The following ETV1 variants were observed in gnomAD, a reference collection of about 807,000 sequenced individuals.
ETV1 encodes ETS translocation variant 1.
A neutral mutation model predicts 62.3 loss-of-function variants in ETV1; 27 were observed. The ratio of observed to expected loss-of-function variants is 0.43; its 90% CI spans 0.32 to 0.60. The LOEUF (loss-of-function observed/expected upper bound fraction) is 0.60, where lower values mean the gene tolerates loss of function less well. Ranked by LOEUF, ETV1 falls within the 20% of genes least tolerant of loss-of-function variation. The pLI is 0.06. For synonymous variants in ETV1, 222 were observed against 199.6 expected (o/e 1.11, Z -0.94); for missense variants, 605 against 605.8 (o/e 1.00, Z 0.01).
chr7:13,989,683 G>T, upstream of ETV1: 1 of 398,780 alleles, frequency 2.5e-6, no homozygotes, highest in East Asian at 3.6e-5. Flanking sequence ...GCTCAATTCG[G>T]TGGTTTTTCC....
At position 13,989,071 on chromosome 7, in the gene ETV1, T is replaced by A. The variant is rs1179489423; in HGVS notation, c.-19A>T. On this transcript the variant is annotated 5_prime_UTR_variant, in exon 3 of 14. Transcript: ENST00000430479. ...CATCCATGCTGCTGCTCTTCGCAAATCTCAGCTCAGTATTTTATATTTTGA... is the reference window on the plus strand; with the variant it reads ...CATCCATGCTGCTGCTCTTCGCAAAACTCAGCTCAGTATTTTATATTTTGA... The A allele has an allele frequency of 1.3e-6, 2 of 1,562,074 alleles. No homozygotes were observed. Among genetic ancestry groups the A allele is most frequent in the Admixed American group, 3.7e-5 (2 of 53,648 alleles).
intron 6 of ETV1, among the ~76,000 whole-genome samples, chr7:13,968,231 T>C (rs1350198630): frequency 6.6e-6 from 1 of 151,952 alleles, no homozygotes; most frequent in Middle Eastern, 3.4e-3. Context: ...ATTTCTACAA[T>C]ATATTGTTAT....
rs1782233793 is a variant in ETV1 at position 13,983,704 on chromosome 7, GT to G, written c.181+2933del. ...GAATAAGATAATTGTTTTAAACTGTGTTTAGATGTTAAAAAAAAAACCTTTA... is the reference window on the plus strand; with the variant it reads ...GAATAAGATAATTGTTTTAAACTGTGTTAGATGTTAAAAAAAAAACCTTTA... On this transcript the variant is annotated intron_variant, in intron 5 of 13. Transcript: ENST00000430479. Among the ~76,000 whole-genome samples the G allele has an allele frequency of 4.2e-5, 5 of 118,478 alleles. 1 individual carries two copies. The Admixed American group carries it at 4.6e-4, about 11-fold the overall frequency. The allele number at this position is 118,478 out of a possible 152,430, so 77.7% of individuals were successfully genotyped here. A position where few individuals can be genotyped will look rare whatever the true frequency, so the allele number is the denominator to read the frequency against.
chr7:13,897,349 T>C (rs1033752801), intron 13 of ETV1, among the ~76,000 whole-genome samples: 1 of 152,214 alleles, frequency 6.6e-6, no homozygotes, highest in Non-Finnish European at 1.5e-5. Context: ...TATTGTTATA[T>C]CTTTGAGGGA....
At chr7:13,905,551 T>C (rs1782870860) in intron 12 of ETV1, among the ~76,000 whole-genome samples, 1 of 152,172 alleles carries the variant, frequency 6.6e-6, no homozygotes, top group African/African-American at 2.4e-5. Flanking sequence ...TGAGTTATGC[T>C]ACAGGAACAA....
chr7:13,941,893 A>G (rs947905030), intron 6 of ETV1, among the ~76,000 whole-genome samples: 3 of 151,480 alleles, frequency 2.0e-5, no homozygotes, highest in African/African-American at 7.3e-5. Flanking sequence ...AAATAAATAA[A>G]TAAATAAATA....
In ETV1 at chr7:13,904,771, C is replaced by A. The variant is rs115476307; in HGVS notation, c.1110+1659G>T. 7.7e-3 allele frequency among the ~76,000 whole-genome samples: 1,176 copies of A among 152,070 alleles called. 20 individuals carry two copies. The highest frequency in any genetic ancestry group is 0.025 in the African/African-American group (1,040 of 41,438). ...TCTTCCATGAGGTGAAGAGCACACA[C>A]TCCCATCATGCGAAAGGGCTTTCAA... On this transcript the variant is annotated intron_variant, in intron 12 of 13. Coordinates refer to ENST00000430479, the MANE Select transcript of ETV1 (RefSeq NM_004956.5).
At chr7:13,924,673 G>C (rs1264507789) in intron 9 of ETV1, among the ~76,000 whole-genome samples, 1 of 152,128 alleles carries the variant, frequency 6.6e-6, no homozygotes, top group Non-Finnish European at 1.5e-5. Flanking sequence ...TATGTAGAAA[G>C]ACAAATCATG....
At chr7:13,986,122 T>G (rs754479406) in intron 5 of ETV1, 1 of 1,586,472 alleles carries the variant, frequency 6.3e-7, no homozygotes, top group Non-Finnish European at 8.6e-7. Context: ...ACACCTAACG[T>G]TCTGTGTTGT....
At chr7:13,919,601 C>CACACAA (rs1554295505) in intron 9 of ETV1, among the ~76,000 whole-genome samples, 12 of 132,282 alleles carry the variant, frequency 9.1e-5, no homozygotes, top group African/African-American at 2.9e-4. Flanking sequence ...CACACACACA[C>CACACAA]AAAATAAGAA....
chr7:13,917,832 C>T (rs1013135021), intron 9 of ETV1, among the ~76,000 whole-genome samples: 1 of 151,730 alleles, frequency 6.6e-6, no homozygotes, highest in East Asian at 2.0e-4. Context: ...GGCGTGGTGG[C>T]GGGCACCAGT....
intron 8 of ETV1, among the ~76,000 whole-genome samples, 161 bp downstream of exon 8, chr7:13,935,547 A>G (rs915183634): frequency 6.6e-6 from 1 of 152,248 alleles, no homozygotes; most frequent in Non-Finnish European, 1.5e-5. Flanking sequence ...TCCACAAATT[A>G]TAAGTATAGA....
intron 12 of ETV1, among the ~76,000 whole-genome samples, chr7:13,901,260 C>G (rs910911620): frequency 6.6e-5 from 10 of 152,206 alleles, no homozygotes; most frequent in African/African-American, 2.4e-4. Flanking sequence ...CCACCTTGGC[C>G]TCCAAAAGTG....
chr7:13,897,095 G>A (rs1781923915), intron 13 of ETV1, among the ~76,000 whole-genome samples: 1 of 151,602 alleles, frequency 6.6e-6, no homozygotes, highest in African/African-American at 2.4e-5. Context: ...ACAACTGAGT[G>A]AGATGAATAC....
chr7:13,907,654 C>T, intron 11 of ETV1: 1 of 277,968 alleles, frequency 3.6e-6, no homozygotes, highest in Non-Finnish European at 7.7e-6. Flanking sequence ...GTCTAGGGCC[C>T]TGCAAGTATG....
chr7:13,985,898 T>C (rs937045425), intron 5 of ETV1, among the ~76,000 whole-genome samples: 1 of 152,160 alleles, frequency 6.6e-6, no homozygotes, highest in African/African-American at 2.4e-5. Flanking sequence ...ATATAACAGA[T>C]TGCACCACAA....
In ETV1 at chr7:13,909,555, C is replaced by T. The variant is rs1024331124; in HGVS notation, c.940+77G>A. 3 of 1,032,540 alleles carry T rather than the reference C, an allele frequency of 2.9e-6. 1 individual carries two copies. Among genetic ancestry groups the T allele is most frequent in the African/African-American group, 3.2e-5 (2 of 62,966 alleles). The allele number at this position is 1,032,540 out of a possible 1,614,324, so 64.0% of individuals were successfully genotyped here. ...ATAGGAATCTTTAAGTAGGGATGTC[C>T]ACTGTTTTCAGAAGAAGCGAAGGTA... On this transcript the variant is annotated intron_variant, in intron 11 of 13. Coordinates refer to ENST00000430479, the MANE Select transcript of ETV1 (RefSeq NM_004956.5).
At chr7:13,926,397 T>C (rs965010353) in intron 9 of ETV1, among the ~76,000 whole-genome samples, 1 of 152,182 alleles carries the variant, frequency 6.6e-6, no homozygotes, top group Non-Finnish European at 1.5e-5. Context: ...CACTTTCAGC[T>C]CTAATAAAAT....
chr7:13,936,016 T>A lies in ETV1; in HGVS notation c.366-120A>T. 1.1e-5 allele frequency: 8 copies of A among 761,058 alleles called. No individual in the cohort carries two copies. In the South Asian group the frequency reaches 1.4e-4, roughly 13 times the overall value. 47.1% of individuals were successfully genotyped at this position (761,058 alleles called of 1,614,324 possible). A position where few individuals can be genotyped will look rare whatever the true frequency, so the allele number is the denominator to read the frequency against. ...TTAAGTCAAATGGAAATGAAAACTTTGTTGTTGCTATTGTTGTTTAAATCC... is the reference window on the plus strand; with the variant it reads ...TTAAGTCAAATGGAAATGAAAACTTAGTTGTTGCTATTGTTGTTTAAATCC... On this transcript the variant is annotated intron_variant, in intron 7 of 13. Transcript: ENST00000430479.
Sources: gnomAD v4.1 joint callset for allele counts (sites outside exome capture counted in the v4.1 genomes callset) on GRCh38, gnomAD v4.1.1 for gene constraint, MANE v1.5 for transcripts, NCBI Gene and HGNC (gene_info 2026-07-23, HGNC 2026-07-21) for gene names.